The following GYG1 variants were observed in gnomAD, a reference collection of about 807,000 sequenced individuals.
GYG1 encodes the protein glycogenin-1.
In GYG1, 44 loss-of-function variants were observed where a neutral mutation model predicts 41.9. That is an observed-to-expected ratio of 1.05 (90% CI 0.83 to 1.35). The LOEUF (loss-of-function observed/expected upper bound fraction) is 1.35, where lower values mean the gene tolerates loss of function less well. Ranked by LOEUF, GYG1 falls within the 40% of genes most tolerant of loss-of-function variation. The probability of loss-of-function intolerance (pLI) is 0.00; values close to 1 mark genes in which losing one functional copy is unlikely to be tolerated. For missense variants in GYG1, 429 were observed against 418.9 expected, an observed-to-expected ratio of 1.02 and a Z score of -0.21; for synonymous variants, 141 against 158.1, an observed-to-expected ratio of 0.89 and a Z score of 0.81.
intron 4 of GYG1, among the ~76,000 whole-genome samples, chr3:149,003,212 T>C (rs964763094): frequency 1.7e-4 from 26 of 150,650 alleles, no homozygotes; most frequent in African/African-American, 5.9e-4. Flanking sequence ...GCCTCCTGGG[T>C]TCAAGTGATT....
At chr3:148,992,857 G>A (rs1330444778) in intron 1 of GYG1, 1 of 151,998 alleles carries the variant, frequency 6.6e-6, no homozygotes, top group East Asian at 1.9e-4. Context: ...GTGGGAGAGG[G>A]CCTAATAAAA....
At chr3:149,004,709 C>T (rs1417875486) in intron 4 of GYG1, among the ~76,000 whole-genome samples, 1 of 152,174 alleles carries the variant, frequency 6.6e-6, no homozygotes, top group Admixed American at 6.6e-5. Context: ...TGTGTTGTCC[C>T]CTCTGGAGCC....
intron 5 of GYG1, among the ~76,000 whole-genome samples, chr3:149,015,267 G>C (rs1248492444): frequency 6.6e-6 from 1 of 152,222 alleles, no homozygotes; most frequent in African/African-American, 2.4e-5. Context: ...AAATAGCTAA[G>C]TAGAGATAAA....
chr3:149,001,971 G>A, intron 4 of GYG1, among the ~76,000 whole-genome samples: 1 of 152,122 alleles, frequency 6.6e-6, no homozygotes, highest in Non-Finnish European at 1.5e-5. Flanking sequence ...AAGGAATGGA[G>A]GCTCAAGTCT....
chr3:149,003,610 T>G (rs1713230816), intron 4 of GYG1, among the ~76,000 whole-genome samples: 1 of 152,200 alleles, frequency 6.6e-6, no homozygotes, highest in Non-Finnish European at 1.5e-5. Context: ...ACTCTAGTAC[T>G]TCTCAAATTT....
intron 6 of GYG1, among the ~76,000 whole-genome samples, chr3:149,024,562 G>A (rs1714550863): frequency 6.6e-6 from 1 of 152,146 alleles, no homozygotes; most frequent in Admixed American, 6.5e-5. Context: ...AAAAGATTTT[G>A]AGATTATTCC....
At chr3:149,020,699 CTTATT>C (rs1319635111) in intron 5 of GYG1, among the ~76,000 whole-genome samples, 1 of 151,878 alleles carries the variant, frequency 6.6e-6, no homozygotes. Context: ...CATGTTTTAA[CTTATT>C]TTAATTAGTA....
chr3:149,021,838 C>T lies in GYG1; in HGVS notation c.609-2215C>T, dbSNP rs990570494. On this transcript the variant is annotated intron_variant, in intron 5 of 7. Transcript: ENST00000345003. ...GTATTATTTTGAACGGTATATCATGCTCAAATATCTTGGTTGCCTGTAATA... is the reference window on the plus strand; with the variant it reads ...GTATTATTTTGAACGGTATATCATGTTCAAATATCTTGGTTGCCTGTAATA... Among the ~76,000 whole-genome samples, 60 of 151,836 alleles carry T rather than the reference C, an allele frequency of 4.0e-4. 1 individual carries two copies. Among genetic ancestry groups the T allele is most frequent in the Admixed American group, 2.0e-4 (3 of 15,222 alleles).
At chr3:148,996,254 T>C (rs772341725) in intron 2 of GYG1, 48 bp from the exon 3 acceptor site, 1 of 1,374,518 alleles carries the variant, frequency 7.3e-7, no homozygotes, top group African/African-American at 1.4e-5. Flanking sequence ...ATGGGTCACT[T>C]GTTCTGAAAA....
chr3:148,992,284 G>A (rs147531946), intron 1 of GYG1: 1 of 154,436 alleles, frequency 6.5e-6, no homozygotes, highest in East Asian at 1.9e-4. Context: ...CACTCCACGA[G>A]TTAGCCCCAG....
At chr3:149,011,864 C>T (rs1389529222) in intron 5 of GYG1, among the ~76,000 whole-genome samples, 1 of 152,134 alleles carries the variant, frequency 6.6e-6, no homozygotes, top group Non-Finnish European at 1.5e-5. Context: ...GTCCATTAGC[C>T]GGATTTCAGC....
intron 2 of GYG1, among the ~76,000 whole-genome samples, 182 bp downstream of exon 2, chr3:148,994,459 T>A (rs1712676252): frequency 6.6e-6 from 1 of 152,206 alleles, no homozygotes; most frequent in Non-Finnish European, 1.5e-5. Context: ...TGGGAGATAT[T>A]CCAACTCAAT....
chr3:149,002,572 A>G (rs1417643106), intron 4 of GYG1, among the ~76,000 whole-genome samples: 2 of 152,204 alleles, frequency 1.3e-5, no homozygotes, highest in Non-Finnish European at 2.9e-5. Flanking sequence ...CTGGATTTCC[A>G]TAAGCCACCT....
rs1418961542 is a variant in GYG1 at position 148,991,596 on chromosome 3, C to T, written c.-45C>T. The T allele has an allele frequency of 2.6e-6, 4 of 1,552,930 alleles. No individual in the cohort carries two copies. Among genetic ancestry groups the T allele is most frequent in the Admixed American group, 1.8e-5 (1 of 54,554 alleles). Reference sequence around the variant, plus strand: ...CCTCCCGGTGCCGGCTTCTCTGAGTCACCAACCTGAGGCTGCCCCGGCCGC... The same window carrying T: ...CCTCCCGGTGCCGGCTTCTCTGAGTTACCAACCTGAGGCTGCCCCGGCCGC... On this transcript the variant is annotated 5_prime_UTR_variant, in exon 1 of 8. Coordinates refer to ENST00000345003, the MANE Select transcript of GYG1 (RefSeq NM_004130.4).
chr3:148,999,348 T>C (rs1253145149), intron 4 of GYG1, among the ~76,000 whole-genome samples: 3 of 152,192 alleles, frequency 2.0e-5, no homozygotes, highest in Non-Finnish European at 4.4e-5. Flanking sequence ...TCTCTGTTAA[T>C]AGAAATTGAA....
At chr3:148,995,661 A>G (rs1458515257) in intron 2 of GYG1, among the ~76,000 whole-genome samples, 1 of 152,228 alleles carries the variant, frequency 6.6e-6, no homozygotes, top group Non-Finnish European at 1.5e-5. Flanking sequence ...GAACTGTACC[A>G]TATTTTTGTA....
rs1023962820 is a variant in GYG1, at chr3:149,027,600, C to A, written c.*667C>A. ...TCTCTGATGGTTACCTGCAGTGGCA[C>A]CCTGTACAAAAAATAAAAGACTTAT... On this transcript the variant is annotated 3_prime_UTR_variant, in exon 8 of 8. Coordinates refer to ENST00000345003, the MANE Select transcript of GYG1 (RefSeq NM_004130.4). 2 of 152,590 alleles carry A rather than the reference C, an allele frequency of 1.3e-5. No homozygotes were observed. The highest frequency in any genetic ancestry group is 4.8e-5 in the African/African-American group (2 of 41,426). The allele number at this position is 152,590 out of a possible 1,614,324, so 9.5% of individuals were successfully genotyped here. A position where few individuals can be genotyped will look rare whatever the true frequency, so the allele number is the denominator to read the frequency against.
chr3:149,004,626 C>G (rs1288002931), intron 4 of GYG1, among the ~76,000 whole-genome samples: 1 of 152,182 alleles, frequency 6.6e-6, no homozygotes, highest in Admixed American at 6.5e-5. Flanking sequence ...TATTTTTAAT[C>G]CACAATTTTG....
In GYG1 at chr3:149,014,729, G is replaced by A. The variant is rs181891650; in HGVS notation, c.608+5327G>A. ...ATAAATACATAAAAATTAGCTGGGC[G>A]TAGTGGTGCATGCCTGTAATCCCAG... is the stretch of plus-strand genomic sequence containing the variant. On this transcript the variant is annotated intron_variant, in intron 5 of 7. Transcript: ENST00000345003. Among the ~76,000 whole-genome samples, 5 of 151,968 alleles carry A rather than the reference G, an allele frequency of 3.3e-5. No individual in the cohort carries two copies. In the East Asian group the frequency reaches 5.8e-4, roughly 18 times the overall value.
Sources: gnomAD v4.1 joint callset for allele counts (sites outside exome capture counted in the v4.1 genomes callset) on GRCh38, gnomAD v4.1.1 for gene constraint, MANE v1.5 for transcripts, NCBI Gene and HGNC (gene_info 2026-07-23, HGNC 2026-07-21) for gene names.